MAGI2: variants seen among roughly 807,000 people sequenced by gnomAD.
MAGI2 encodes membrane-associated guanylate kinase, WW and PDZ domain-containing protein 2.
Under a neutral mutation model 133.3 loss-of-function variants are expected in MAGI2, and 35 were observed. The ratio of observed to expected loss-of-function variants is 0.26; its 90% CI spans 0.20 to 0.35. The LOEUF (loss-of-function observed/expected upper bound fraction) is 0.35. Among genes scored for constraint, MAGI2 ranks in the 10% least tolerant of loss-of-function variants. The pLI is 1.00. For missense variants in MAGI2, 1,636 were observed against 1,863.4 expected (o/e 0.88, Z 2.25); for synonymous variants, 729 against 710.6 (o/e 1.03, Z -0.41).
chr7:78,228,851 G>GA (rs1366813616), intron 10 of MAGI2, among the ~76,000 whole-genome samples: 2 of 152,204 alleles, frequency 1.3e-5, no homozygotes, highest in Admixed American at 6.5e-5. Flanking sequence ...TACCTATGGT[G>GA]AATTCCAGAG....
chr7:78,065,187 G>C (rs894372965), intron 21 of MAGI2, among the ~76,000 whole-genome samples: 15 of 152,084 alleles, frequency 9.9e-5, no homozygotes, highest in African/African-American at 3.6e-4. Flanking sequence ...CTTTCTATCG[G>C]ACACAAAAAG....
intron 1 of MAGI2, chr7:79,139,696 C>G (rs2129546074): frequency 6.6e-6 from 1 of 152,280 alleles, no homozygotes; most frequent in South Asian, 2.1e-4. Context: ...AGATACATGT[C>G]TACTTCTTTA....
chr7:78,160,254 G>T lies in MAGI2; in HGVS notation c.2616C>A (p.Asn872Lys), dbSNP rs148005928. The T allele has an allele frequency of 3.1e-6, 5 of 1,596,884 alleles. No individual in the cohort carries two copies. The East Asian group carries it at 1.1e-4, about 36-fold the overall frequency. ...TGGATACAGAGCCTGGACTTCTCCCGTTCTCTGGGCAGGGCTCCCCTGCAA... is the reference window on the plus strand; with the variant it reads ...TGGATACAGAGCCTGGACTTCTCCCTTTCTCTGGGCAGGGCTCCCCTGCAA... ...VLCGGEPCPE[N>K]GRSPGSVSTH... The change falls in exon 16 of 22, where the codon AAC becomes AAA. Residue 872 changes from asparagine to lysine, a missense_variant. Physicochemically the swap from Asn to Lys is moderately conservative, Grantham distance 94. Transcript: ENST00000354212.
At chr7:79,392,903 T>C (rs188786539) in intron 1 of MAGI2, among the ~76,000 whole-genome samples, 28 of 152,330 alleles carry the variant, frequency 1.8e-4, no homozygotes, top group Middle Eastern at 3.4e-3. Context: ...ATATGTACTA[T>C]AGGTGGTGGA....
chr7:78,994,412 A>T (rs777096807), intron 2 of MAGI2, among the ~76,000 whole-genome samples: 3 of 152,148 alleles, frequency 2.0e-5, no homozygotes, highest in Non-Finnish European at 2.9e-5. Context: ...TCTGAAGAGC[A>T]GTTATGGAAA....
intron 6 of MAGI2, among the ~76,000 whole-genome samples, chr7:78,424,376 T>A (rs987529814): frequency 6.6e-6 from 1 of 152,102 alleles, no homozygotes; most frequent in African/African-American, 2.4e-5. Context: ...GATGCCCAGG[T>A]AGAAGTTTGC....
chr7:78,918,729 A>G (rs1798988051), intron 2 of MAGI2, among the ~76,000 whole-genome samples: 1 of 152,132 alleles, frequency 6.6e-6, no homozygotes, highest in Non-Finnish European at 1.5e-5. Flanking sequence ...TGACAGTGTA[A>G]AAGAGATTAA....
At chr7:79,072,059 C>T (rs899796146) in intron 1 of MAGI2, among the ~76,000 whole-genome samples, 2 of 152,116 alleles carry the variant, frequency 1.3e-5, no homozygotes, top group South Asian at 4.1e-4. Context: ...TCCCCCTACC[C>T]CTTGTGCTTC....
intron 16 of MAGI2, among the ~76,000 whole-genome samples, chr7:78,149,388 G>A (rs1242680420): frequency 6.6e-6 from 1 of 152,136 alleles, no homozygotes; most frequent in African/African-American, 2.4e-5. Context: ...TATAAATTCC[G>A]CTAGGATATG....
intron 1 of MAGI2, among the ~76,000 whole-genome samples, chr7:79,119,657 G>A (rs1392915500): frequency 6.6e-6 from 1 of 152,014 alleles, no homozygotes; most frequent in Non-Finnish European, 1.5e-5. Context: ...GAAAGAAAAG[G>A]AGGAGAAGAG....
intron 3 of MAGI2, among the ~76,000 whole-genome samples, chr7:78,543,735 T>G (rs1191016780): frequency 6.6e-6 from 1 of 152,166 alleles, no homozygotes; most frequent in African/African-American, 2.4e-5. Flanking sequence ...CATTCACTAA[T>G]CTCCTCCAAC....
chr7:78,150,503 T>C (rs1453578897), intron 16 of MAGI2, among the ~76,000 whole-genome samples: 1 of 152,208 alleles, frequency 6.6e-6, no homozygotes, highest in Non-Finnish European at 1.5e-5. Context: ...TACTTGAACC[T>C]AATGTGGGAG....
At chr7:78,801,058 C>G (rs1788018072) in intron 2 of MAGI2, among the ~76,000 whole-genome samples, 1 of 152,032 alleles carries the variant, frequency 6.6e-6, no homozygotes, top group Non-Finnish European at 1.5e-5. Flanking sequence ...AAGTGATTGA[C>G]AAAGTTTGAG....
chr7:79,211,165 GTTAA>G (rs1310546760), intron 1 of MAGI2, among the ~76,000 whole-genome samples: 4 of 152,174 alleles, frequency 2.6e-5, no homozygotes, highest in Admixed American at 1.3e-4. Flanking sequence ...AAATAAGTAG[GTTAA>G]TTAACAGGCA....
At chr7:78,308,117 G>A (rs1182068383) in intron 9 of MAGI2, among the ~76,000 whole-genome samples, 1 of 152,198 alleles carries the variant, frequency 6.6e-6, no homozygotes, top group Admixed American at 6.5e-5. Flanking sequence ...CCCCTACCCT[G>A]TTGATGGTGA....
At chr7:78,454,007 C>T (rs1789027705) in intron 6 of MAGI2, among the ~76,000 whole-genome samples, 1 of 151,996 alleles carries the variant, frequency 6.6e-6, no homozygotes, top group Non-Finnish European at 1.5e-5. Context: ...ATACCTATCA[C>T]CCAACACATT....
intron 2 of MAGI2, among the ~76,000 whole-genome samples, chr7:78,890,721 C>G (rs530734038): frequency 5.8e-4 from 89 of 152,176 alleles, no homozygotes; most frequent in African/African-American, 2.0e-3. Flanking sequence ...GGGACACATT[C>G]AAAGCAGTGT....
intron 2 of MAGI2, among the ~76,000 whole-genome samples, chr7:78,739,946 C>G (rs1051048595): frequency 1.3e-5 from 2 of 152,094 alleles, no homozygotes; most frequent in Non-Finnish European, 2.9e-5. Flanking sequence ...ATCACGACGT[C>G]AGGAGATCAA....
At chr7:78,565,571 A>G (rs1177490918) in intron 3 of MAGI2, among the ~76,000 whole-genome samples, 1 of 151,788 alleles carries the variant, frequency 6.6e-6, no homozygotes, top group Non-Finnish European at 1.5e-5. Flanking sequence ...GGTTATTTTC[A>G]AATACTTTTA....
Sources: allele counts gnomAD v4.1 joint callset (sites outside exome capture counted in the v4.1 genomes callset), GRCh38; gene constraint gnomAD v4.1.1; transcripts MANE v1.5; gene names NCBI Gene and HGNC (gene_info 2026-07-23, HGNC 2026-07-21).